The following MRPL22 variants were observed in gnomAD, a reference collection of about 807,000 sequenced individuals.
MRPL22 encodes mitochondrial ribosomal protein L22.
MRPL22 carries 27 observed loss-of-function variants against 32.4 expected under a neutral mutation model. That is an observed-to-expected ratio of 0.83 (90% CI 0.61 to 1.15). MRPL22 has a LOEUF of 1.15. Ranked by LOEUF, MRPL22 falls within the 50% of genes most tolerant of loss-of-function variation. MRPL22 has a pLI of 0.00. For synonymous variants in MRPL22, 86 were observed against 87.3 expected (o/e 0.99, Z 0.08); for missense variants, 239 against 260.2 (o/e 0.92, Z 0.56).
intron 6 of MRPL22, among the ~76,000 whole-genome samples, chr5:154,962,697 T>C (rs1050157102): frequency 1.3e-5 from 2 of 152,198 alleles, no homozygotes; most frequent in Admixed American, 6.5e-5. Flanking sequence ...TAGTGATGAC[T>C]AATGATACTG....
intron 6 of MRPL22, among the ~76,000 whole-genome samples, chr5:154,960,710 TCA>T (rs1276041991): frequency 3.9e-5 from 6 of 152,232 alleles, no homozygotes; most frequent in Non-Finnish European, 7.3e-5. Flanking sequence ...CTGCAGACCG[TCA>T]CACAGTTATT....
At position 154,957,036 on chromosome 5, in the gene MRPL22, T is replaced by C. The variant is rs188127470; in HGVS notation, c.262-99T>C. On this transcript the variant is annotated intron_variant, in intron 4 of 6. Transcript: ENST00000523037. ...TTTTATTTGGGTTCAATTCACTGTT[T>C]TTAGAAGTTACTCAAATTATGTAAG... 2.4e-4 allele frequency: 272 copies of C among 1,130,362 alleles called. No individual in the cohort carries two copies. In the Admixed American group the frequency reaches 4.9e-3, roughly 20 times the overall value. 70.0% of individuals were successfully genotyped at this position (1,130,362 alleles called of 1,614,324 possible).
chr5:154,960,922 T>TTTTACTTA (rs1442824104), intron 6 of MRPL22, among the ~76,000 whole-genome samples: 1 of 152,238 alleles, frequency 6.6e-6, no homozygotes, highest in African/African-American at 2.4e-5. Flanking sequence ...ATAAAGATTA[T>TTTTACTTA]TTTACTTAAA....
chr5:154,941,249 G>C lies in MRPL22; in HGVS notation c.61G>C (p.Gly21Arg), dbSNP rs373385204. 1 of 1,613,278 alleles carries C rather than the reference G, an allele frequency of 6.2e-7. No homozygotes were observed. Reference protein sequence around the residue: ...ALWIHNLRSRGKLALGVLPQS... With the variant: ...ALWIHNLRSRRKLALGVLPQS... Reference sequence around the variant, plus strand: ...ATGGATACATAACCTGAGGAGCCGGGGGAAGCTGGCCTTGGGGTGAGTCTC... The same window carrying C: ...ATGGATACATAACCTGAGGAGCCGGCGGAAGCTGGCCTTGGGGTGAGTCTC... The change falls in exon 2 of 7, where the codon GGG (glycine) becomes CGG (arginine). Residue 21 changes from glycine to arginine, a missense_variant. Gly to Arg is a moderately radical substitution (Grantham distance 125). Coordinates refer to ENST00000523037, the MANE Select transcript of MRPL22 (RefSeq NM_014180.4).
intron 6 of MRPL22, among the ~76,000 whole-genome samples, chr5:154,962,886 A>G (rs1764722663): frequency 6.6e-6 from 1 of 152,176 alleles, no homozygotes; most frequent in African/African-American, 2.4e-5. Flanking sequence ...CAAGATTTGT[A>G]TTTACCTAAA....
At chr5:154,945,136 A>T (rs1429471315) in intron 2 of MRPL22, among the ~76,000 whole-genome samples, 1 of 151,984 alleles carries the variant, frequency 6.6e-6, no homozygotes, top group Non-Finnish European at 1.5e-5. Flanking sequence ...TGGGGTGGGG[A>T]TGGGGAGCAA....
At chr5:154,964,839 A>C (rs1582696174) in intron 6 of MRPL22, among the ~76,000 whole-genome samples, 1 of 152,258 alleles carries the variant, frequency 6.6e-6, no homozygotes, top group South Asian at 2.1e-4. Flanking sequence ...CTCAAGTTGG[A>C]TAGAGAAATG....
At chr5:154,966,388 CAGCACTTGTCACT>C (rs1261002697) in intron 6 of MRPL22, among the ~76,000 whole-genome samples, 2 of 152,240 alleles carry the variant, frequency 1.3e-5, no homozygotes, top group Admixed American at 1.3e-4. Flanking sequence ...GATTTATTCA[CAGCACTTGTCACT>C]AGCTGAAATT....
intron 6 of MRPL22, among the ~76,000 whole-genome samples, chr5:154,961,289 A>G (rs567575335): frequency 3.9e-5 from 6 of 152,330 alleles, no homozygotes; most frequent in Admixed American, 2.6e-4. Context: ...AGTTAATCAT[A>G]AGCATTTTCT....
At chr5:154,944,991 T>G (rs895935128) in intron 2 of MRPL22, among the ~76,000 whole-genome samples, 4 of 152,222 alleles carry the variant, frequency 2.6e-5, no homozygotes, top group Non-Finnish European at 4.4e-5. Flanking sequence ...ATATAGAGCC[T>G]TATTATTTTT....
At chr5:154,956,944 G>T in intron 4 of MRPL22, 191 bp from the exon 5 acceptor site, 1 of 549,922 alleles carries the variant, frequency 1.8e-6, no homozygotes, top group African/African-American at 1.9e-5. Context: ...TCAGTTTTAT[G>T]GTTAAAATGT....
At position 154,968,263 on chromosome 5, in the gene MRPL22, G is replaced by A. The variant is rs1392770783; in HGVS notation, c.*1366G>A. ...TCTCTCCAGTTAACCTAATGCATGG[G>A]TAAAAAGACATCAGGGGTCAGTGGA... On this transcript the variant is annotated 3_prime_UTR_variant, in exon 7 of 7. Transcript: ENST00000523037. 6.6e-6 allele frequency: 1 copy of A among 152,176 alleles called. No individual in the cohort carries two copies. Among genetic ancestry groups the A allele is most frequent in the Non-Finnish European group, 1.5e-5 (1 of 68,040 alleles). 9.4% of individuals were successfully genotyped at this position (152,176 alleles called of 1,614,324 possible). A position where few individuals can be genotyped will look rare whatever the true frequency, so the allele number is the denominator to read the frequency against.
At position 154,967,066 on chromosome 5, in the gene MRPL22, T is replaced by C. The variant is rs1196087782; in HGVS notation, c.*169T>C. The C allele has an allele frequency of 2.6e-6, 2 of 784,194 alleles. No individual in the cohort carries two copies. Among genetic ancestry groups the C allele is most frequent in the Non-Finnish European group, 2.0e-6 (1 of 510,502 alleles). 48.6% of individuals were successfully genotyped at this position (784,194 alleles called of 1,614,324 possible). A position where few individuals can be genotyped will look rare whatever the true frequency, so the allele number is the denominator to read the frequency against. On this transcript the variant is annotated 3_prime_UTR_variant, in exon 7 of 7. Transcript: ENST00000523037. This position sits in a 1 kb window ranked among gnomAD's most constrained non-coding sequence, Gnocchi z 4.7. ...AGGCTTTGCCCATTTCTTTTGAGCC[T>C]CTGGGCATATTTGTATGCATTTGCG...
chr5:154,941,494 T>A (rs1764414784), intron 2 of MRPL22, among the ~76,000 whole-genome samples: 1 of 152,184 alleles, frequency 6.6e-6, no homozygotes, highest in African/African-American at 2.4e-5. Context: ...AAATGCGATT[T>A]CCGAACGTCT....
chr5:154,943,207 T>C (rs1170332495), intron 2 of MRPL22, among the ~76,000 whole-genome samples: 2 of 152,004 alleles, frequency 1.3e-5, no homozygotes, highest in African/African-American at 4.8e-5. Context: ...GCTGTGATCA[T>C]AGCTCACTGC....
intron 3 of MRPL22, among the ~76,000 whole-genome samples, chr5:154,954,227 C>T (rs1764602836): frequency 6.6e-6 from 1 of 151,606 alleles, no homozygotes. Flanking sequence ...GGGGCTCAAG[C>T]AATCTTCCTG....
At chr5:154,948,278 A>T (rs935615449) in intron 2 of MRPL22, among the ~76,000 whole-genome samples, 1 of 152,200 alleles carries the variant, frequency 6.6e-6, no homozygotes, top group Non-Finnish European at 1.5e-5. Flanking sequence ...CTATTATCTC[A>T]TTAAAAAGCA....
chr5:154,953,362 GAAAAAAAAAAAAAAAA>G (rs573134537), intron 3 of MRPL22, among the ~76,000 whole-genome samples: 1 of 69,236 alleles, frequency 1.4e-5, no homozygotes, highest in African/African-American at 5.2e-5. Flanking sequence ...CGTCTCAGGA[GAAAAAAAAAAAAAAAA>G]AAAAAAAAAA....
chr5:154,956,963 T>C, intron 4 of MRPL22, 172 bp from the exon 5 acceptor site: 1 of 579,730 alleles, frequency 1.7e-6, no homozygotes, highest in Admixed American at 3.1e-5. Context: ...GTTTGTTTCA[T>C]TTTGACTGAA....
Sources: allele counts gnomAD v4.1 joint callset (sites outside exome capture counted in the v4.1 genomes callset), GRCh38; gene constraint gnomAD v4.1.1; non-coding constraint Gnocchi (gnomAD v3.1); transcripts MANE v1.5; gene names NCBI Gene and HGNC (gene_info 2026-07-23, HGNC 2026-07-21).